The following MYO3A variants were observed in gnomAD, a reference collection of about 807,000 sequenced individuals.
MYO3A encodes myosin IIIA, also known as myosin-IIIa.
In MYO3A, 180 loss-of-function variants were observed where a neutral mutation model predicts 192.7. The ratio of observed to expected loss-of-function variants is 0.93; its 90% CI spans 0.83 to 1.06. The LOEUF is 1.06. Among genes scored for constraint, MYO3A ranks in the 50% least tolerant of loss-of-function variants. The probability of loss-of-function intolerance (pLI) is 0.00; values close to 1 mark genes in which losing one functional copy is unlikely to be tolerated. For synonymous variants in MYO3A, 628 were observed against 645.3 expected (o/e 0.97, Z 0.41); for missense variants, 1,896 against 1,905.0 (o/e 1.00, Z 0.09).
intron 32 of MYO3A, among the ~76,000 whole-genome samples, chr10:26,200,109 C>T (rs2132195798): frequency 6.6e-6 from 1 of 152,266 alleles, no homozygotes; most frequent in African/African-American, 2.4e-5. Context: ...ATATCCTGCC[C>T]TTACATTATT....
chr10:26,175,675 C>T (rs1395943294), intron 30 of MYO3A, among the ~76,000 whole-genome samples: 7 of 152,196 alleles, frequency 4.6e-5, no homozygotes, highest in South Asian at 2.1e-4. Flanking sequence ...CCTTCCTACT[C>T]TTCTTAAGCA....
At chr10:26,122,421 AT>A (rs1838927808) in intron 18 of MYO3A, among the ~76,000 whole-genome samples, 1 of 152,214 alleles carries the variant, frequency 6.6e-6, no homozygotes, top group African/African-American at 2.4e-5. Flanking sequence ...CCAAGGCTGC[AT>A]TTCCATATGG....
chr10:26,204,303 A>G (rs1843805877), intron 34 of MYO3A: 1 of 152,092 alleles, frequency 6.6e-6, no homozygotes, highest in Non-Finnish European at 1.5e-5. Context: ...CTCCCTGCCC[A>G]TTTGCTTTTC....
At chr10:26,194,034 C>G (rs1183910885) in intron 32 of MYO3A, among the ~76,000 whole-genome samples, 2 of 152,170 alleles carry the variant, frequency 1.3e-5, no homozygotes, top group African/African-American at 2.4e-5. Flanking sequence ...TTTGTCCTCT[C>G]TCTCATACCT....
At chr10:26,057,867 G>A (rs1329211709) in intron 10 of MYO3A, among the ~76,000 whole-genome samples, 1 of 152,170 alleles carries the variant, frequency 6.6e-6, no homozygotes, top group African/African-American at 2.4e-5. Flanking sequence ...AAAATTGAGA[G>A]GAAGGCGTAG....
intron 23 of MYO3A, among the ~76,000 whole-genome samples, chr10:26,151,773 G>T (rs535882392): frequency 2.6e-5 from 4 of 152,142 alleles, no homozygotes; most frequent in Non-Finnish European, 4.4e-5. Context: ...TCCCTCACTC[G>T]CTGCATTTCA....
rs748220377 is a variant in MYO3A at position 26,088,275 on chromosome 10, A to G, written c.1432A>G (p.Thr478Ala). 8.7e-6 allele frequency: 14 copies of G among 1,613,686 alleles called. No individual in the cohort carries two copies. The highest frequency in any genetic ancestry group is 1.1e-5 in the Non-Finnish European group (13 of 1,179,782). The change falls in exon 15 of 35, where the codon ACT (threonine) becomes GCT (alanine). Residue 478 changes from threonine to alanine, a missense_variant. Thr to Ala is a moderately conservative substitution (Grantham distance 58). Coordinates refer to ENST00000642920, the MANE Select transcript of MYO3A (RefSeq NM_017433.5). ...GGTAGAAGCCTTTGGCAATGCCTGC[A>G]CTATTATAAATGACAATTCTAGCAG... ...NLVEAFGNAC[T>A]IINDNSSRFG...
Position 25,996,536 on chromosome 10 carries a change from A to G in MYO3A, c.350A>G (p.Lys117Arg). The G allele has an allele frequency of 1.2e-6, 2 of 1,613,884 alleles. No individual in the cohort carries two copies. The highest frequency in any genetic ancestry group is 1.7e-6 in the Non-Finnish European group (2 of 1,179,884). Residue 117 changes from lysine (K) to arginine (R), a missense_variant, in exon 5 of 35, where the codon AAG becomes AGG. Coordinates refer to ENST00000642920, the MANE Select transcript of MYO3A (RefSeq NM_017433.5). ...SVTDLVKGFL[K>R]RGERMSEPLI... is the part of the protein sequence containing the mutation. Reference sequence around the variant, plus strand: ...ACTGACCTTGTGAAAGGATTTCTGAAGAGGGGTGAAAGAATGAGTGAGCCT... The same window carrying G: ...ACTGACCTTGTGAAAGGATTTCTGAGGAGGGGTGAAAGAATGAGTGAGCCT...
chr10:26,039,998 TGTAA>T lies in MYO3A; in HGVS notation c.953+13468_953+13471del, dbSNP rs1280665753. Among the ~76,000 whole-genome samples the T allele has an allele frequency of 8.5e-5, 13 of 152,160 alleles. No individual in the cohort carries two copies. The East Asian group carries it at 2.5e-3, about 29-fold the overall frequency. On this transcript the variant is annotated intron_variant, in intron 10 of 34. Coordinates refer to ENST00000642920, the MANE Select transcript of MYO3A (RefSeq NM_017433.5). ...TTTGAAGTTTTTTTTTAATTTTTGA[TGTAA>T]GCACTGATAGCTATAAATTTCCCTC...
chr10:26,016,922 A>G, intron 7 of MYO3A, 26 bp downstream of exon 7: 2 of 1,597,794 alleles, frequency 1.3e-6, no homozygotes, highest in African/African-American at 1.3e-5. Flanking sequence ...GAGGCAGACA[A>G]ACGTAATAGC....
At chr10:26,203,994 G>C (rs1196616260) in intron 34 of MYO3A, 1 of 152,216 alleles carries the variant, frequency 6.6e-6, no homozygotes, top group Non-Finnish European at 1.5e-5. Flanking sequence ...TGTTGTTGTA[G>C]AGACTAAATG....
intron 14 of MYO3A, among the ~76,000 whole-genome samples, chr10:26,071,016 A>G (rs1835172903): frequency 8.0e-6 from 1 of 125,572 alleles, no homozygotes; most frequent in Non-Finnish European, 1.9e-5. Flanking sequence ...ATAAAAATCC[A>G]AACAGGATTT....
intron 4 of MYO3A, among the ~76,000 whole-genome samples, chr10:25,971,563 TA>T (rs1564416784): frequency 6.6e-6 from 1 of 152,222 alleles, no homozygotes; most frequent in East Asian, 1.9e-4. Flanking sequence ...CAATTTTGTT[TA>T]CCTGGCAATG....
At chr10:26,063,228 G>A (rs150305632) in intron 10 of MYO3A, among the ~76,000 whole-genome samples, 245 of 152,248 alleles carry the variant, frequency 1.6e-3, no homozygotes, top group African/African-American at 5.8e-3. Flanking sequence ...GTCCAAAGAA[G>A]TGTGATTGGA....
At chr10:26,013,159 A>T (rs900589543) in intron 6 of MYO3A, among the ~76,000 whole-genome samples, 2 of 152,112 alleles carry the variant, frequency 1.3e-5, no homozygotes, top group Non-Finnish European at 2.9e-5. Flanking sequence ...TAACACCTGA[A>T]CCTATTAAAA....
intron 20 of MYO3A, among the ~76,000 whole-genome samples, chr10:26,135,024 T>C (rs944304814): frequency 6.6e-6 from 1 of 152,196 alleles, no homozygotes; most frequent in African/African-American, 2.4e-5. Flanking sequence ...ATCCAAGCAG[T>C]TGTGCATTCT....
chr10:26,118,811 T>A (rs1432111139), intron 17 of MYO3A, among the ~76,000 whole-genome samples: 1 of 152,002 alleles, frequency 6.6e-6, no homozygotes, highest in Non-Finnish European at 1.5e-5. Context: ...TTTGTATTTT[T>A]AGTAGAGATG....
chr10:26,125,670 A>C (rs779065767), intron 19 of MYO3A, 62 bp downstream of exon 19: 3 of 1,375,766 alleles, frequency 2.2e-6, no homozygotes, highest in Non-Finnish European at 3.1e-6. Flanking sequence ...CTACTTTCTA[A>C]TTGATTGTTT....
chr10:26,112,474 A>G (rs947941501), intron 17 of MYO3A, among the ~76,000 whole-genome samples: 1 of 152,208 alleles, frequency 6.6e-6, no homozygotes, highest in Admixed American at 6.5e-5. Flanking sequence ...GCTGCTTCTA[A>G]TCTATTTTGA....
Sources: gnomAD v4.1 joint callset for allele counts (sites outside exome capture counted in the v4.1 genomes callset) on GRCh38, gnomAD v4.1.1 for gene constraint, MANE v1.5 for transcripts, NCBI Gene and HGNC (gene_info 2026-07-23, HGNC 2026-07-21) for gene names.